CHD7: variants seen among roughly 807,000 people sequenced by gnomAD.
CHD7 encodes chromodomain helicase DNA binding protein 7.
A neutral mutation model predicts 307.3 loss-of-function variants in CHD7; 24 were observed. The observed-to-expected ratio is 0.08, with a 90% CI of 0.06 to 0.11. The LOEUF (loss-of-function observed/expected upper bound fraction) is 0.11. Among genes scored for constraint, CHD7 ranks in the 10% least tolerant of loss-of-function variants. The pLI is 1.00. For missense variants in CHD7, 3,106 were observed against 3,727.1 expected (o/e 0.83, Z 4.34); for synonymous variants, 1,363 against 1,349.9 (o/e 1.01, Z -0.21).
chr8:60,788,542 C>G lies in CHD7; in HGVS notation c.2097-6444C>G, dbSNP rs138639229. Among the ~76,000 whole-genome samples, 532 of 152,366 alleles carry G rather than the reference C, an allele frequency of 3.5e-3. 7 individuals are homozygous for G. The highest frequency in any genetic ancestry group is 0.012 in the African/African-American group (508 of 41,582). On this transcript the variant is annotated intron_variant, in intron 3 of 37. Transcript: ENST00000423902. ...AAACAGAATTCTTCCCTCTTCCTTT[C>G]CTGCTAACAGGTCTCCTCTTTCTTT...
At chr8:60,771,103 A>G (rs1277102567) in intron 2 of CHD7, among the ~76,000 whole-genome samples, 3 of 152,236 alleles carry the variant, frequency 2.0e-5, no homozygotes, top group South Asian at 2.1e-4. Context: ...AGAGGTGCTC[A>G]GTGATATCAC....
Position 60,862,585 on chromosome 8 carries a change from C to A in CHD7, c.8009C>A (p.Pro2670His). 1 of 1,578,736 alleles carries A rather than the reference C, an allele frequency of 6.3e-7. No individual in the cohort carries two copies. Among genetic ancestry groups the A allele is most frequent in the East Asian group, 2.3e-5 (1 of 43,308 alleles). ...GAMAPPMKDL[P>H]RWLEENPEFA... ...ATGGCGCCTCCAATGAAGGATCTAC[C>A]CAGGTGGCTGGAAGAAAATCCTGAA... The change falls in exon 37 of 38, where the codon CCC becomes CAC. Residue 2670 changes from proline to histidine, a missense_variant. Pro to His is a moderately conservative substitution (Grantham distance 77, BLOSUM62 -2). Around this residue, in one of 10 missense-constraint regions of CHD7, gnomAD observed 59 missense variants for 106.2 expected, o/e 0.56. Transcript: ENST00000423902.
At chr8:60,778,413 T>C (rs1000271404) in intron 2 of CHD7, among the ~76,000 whole-genome samples, 2 of 152,224 alleles carry the variant, frequency 1.3e-5, no homozygotes, top group African/African-American at 4.8e-5. Context: ...ACTGAGTTAC[T>C]AATTTATTGC....
At chr8:60,832,683 G>A (rs1804573052) in intron 15 of CHD7, among the ~76,000 whole-genome samples, 1 of 152,230 alleles carries the variant, frequency 6.6e-6, no homozygotes, top group Non-Finnish European at 1.5e-5. Flanking sequence ...AGCAATGGTA[G>A]TTAGATTGAC....
intron 1 of CHD7, among the ~76,000 whole-genome samples, chr8:60,730,312 T>A (rs1210121056): frequency 1.3e-5 from 2 of 152,222 alleles, no homozygotes; most frequent in Admixed American, 6.5e-5. Context: ...TTAAGTTAAA[T>A]ATACAGAGTT....
intron 15 of CHD7, among the ~76,000 whole-genome samples, chr8:60,835,367 T>C (rs976030562): frequency 2.0e-5 from 3 of 152,222 alleles, no homozygotes; most frequent in African/African-American, 4.8e-5. Context: ...AGAAGTCTTA[T>C]GTCAAACACT....
At chr8:60,815,619 A>T (rs1803698611) in intron 7 of CHD7, among the ~76,000 whole-genome samples, 1 of 152,048 alleles carries the variant, frequency 6.6e-6, no homozygotes, top group Admixed American at 6.5e-5. Context: ...TACTCAGAGG[A>T]GGGGATGGGG....
At chr8:60,747,410 G>A (rs1214294221) in intron 2 of CHD7, among the ~76,000 whole-genome samples, 1 of 151,972 alleles carries the variant, frequency 6.6e-6, no homozygotes, top group Admixed American at 6.5e-5. Context: ...ATATTGATTT[G>A]TTAATTATTT....
At chr8:60,705,028 A>T (rs1806952481) in intron 1 of CHD7, among the ~76,000 whole-genome samples, 1 of 152,170 alleles carries the variant, frequency 6.6e-6, no homozygotes, top group African/African-American at 2.4e-5. Context: ...TAGGAATCTC[A>T]TCTGCATAGG....
intron 3 of CHD7, among the ~76,000 whole-genome samples, chr8:60,786,159 C>A (rs1016219357): frequency 3.3e-5 from 5 of 152,196 alleles, no homozygotes; most frequent in African/African-American, 1.2e-4. Flanking sequence ...TTTTAAATCC[C>A]GAATCCTTCT....
intron 36 of CHD7, 93 bp from the exon 37 acceptor site, chr8:60,862,455 G>A (rs1806041986): frequency 1.4e-6 from 2 of 1,460,218 alleles, no homozygotes; most frequent in East Asian, 4.9e-5. Flanking sequence ...GTGTGTGCGT[G>A]TATGTGTGTA....
chr8:60,866,171 T>A lies in CHD7; in HGVS notation c.*238T>A. Reference sequence around the variant, plus strand: ...ATGAAATTTGAGAGGTGATCATGTCTTTTTAAGGAAACTTACATAATGCTC... The same window carrying A: ...ATGAAATTTGAGAGGTGATCATGTCATTTTAAGGAAACTTACATAATGCTC... On this transcript the variant is annotated 3_prime_UTR_variant, in exon 38 of 38. Coordinates refer to ENST00000423902, the MANE Select transcript of CHD7 (RefSeq NM_017780.4). 1 of 381,398 alleles carries A rather than the reference T, an allele frequency of 2.6e-6. No homozygotes were observed. The highest frequency in any genetic ancestry group is 4.1e-5 in the East Asian group (1 of 24,664). 23.6% of individuals were successfully genotyped at this position (381,398 alleles called of 1,614,324 possible).
At chr8:60,697,080 T>C (rs1341878990) in intron 1 of CHD7, among the ~76,000 whole-genome samples, 1 of 152,204 alleles carries the variant, frequency 6.6e-6, no homozygotes, top group African/African-American at 2.4e-5. Context: ...AGTGTTAGCT[T>C]CTGTGCATCT....
intron 28 of CHD7, 154 bp downstream of exon 28, chr8:60,851,473 A>C: frequency 1.6e-6 from 1 of 624,126 alleles, no homozygotes; most frequent in East Asian, 2.8e-5. Flanking sequence ...ATTCTTGTTA[A>C]TGGCTGTGTT....
intron 2 of CHD7, among the ~76,000 whole-genome samples, chr8:60,772,143 A>G (rs1810742646): frequency 6.6e-6 from 1 of 152,170 alleles, no homozygotes; most frequent in South Asian, 2.1e-4. Flanking sequence ...TGAAAACTAA[A>G]TTTGCCAGAC....
At chr8:60,840,186 G>T (rs574359653) in intron 19 of CHD7, among the ~76,000 whole-genome samples, 1 of 152,170 alleles carries the variant, frequency 6.6e-6, no homozygotes. Flanking sequence ...TCCAACGTTC[G>T]TTTTGCATGT....
chr8:60,749,897 T>C (rs769972812), intron 2 of CHD7, among the ~76,000 whole-genome samples: 19 of 152,268 alleles, frequency 1.2e-4, no homozygotes, highest in Non-Finnish European at 8.8e-5. Context: ...GTATTTCTTT[T>C]GACTACTTCA....
intron 7 of CHD7, among the ~76,000 whole-genome samples, chr8:60,813,464 A>C (rs1192272764): frequency 6.6e-6 from 1 of 152,182 alleles, no homozygotes; most frequent in Admixed American, 6.5e-5. Flanking sequence ...GATAGTAGGT[A>C]TCCATGCTTT....
At chr8:60,721,036 A>G (rs1247815319) in intron 1 of CHD7, among the ~76,000 whole-genome samples, 9 of 152,118 alleles carry the variant, frequency 5.9e-5, no homozygotes, top group Admixed American at 5.9e-4. Context: ...TTCCATGTCA[A>G]GGGCTGTGAA....
Sources: gnomAD v4.1 joint callset for allele counts (sites outside exome capture counted in the v4.1 genomes callset) on GRCh38, gnomAD v4.1.1 for gene constraint, gnomAD v4.1.1 regional missense constraint, MANE v1.5 for transcripts, NCBI Gene and HGNC (gene_info 2026-07-23, HGNC 2026-07-21) for gene names.